TNFAIP8: variants seen among roughly 807,000 people sequenced by gnomAD.
TNFAIP8 encodes the protein tumor necrosis factor alpha-induced protein 8.
A neutral mutation model predicts 13.3 loss-of-function variants in TNFAIP8; 7 were observed. The ratio of observed to expected loss-of-function variants is 0.52; its 90% confidence interval spans 0.30 to 0.99. The LOEUF is 0.99. TNFAIP8 is among the 50% of genes least tolerant of loss of function. The probability of loss-of-function intolerance (pLI) is 0.07; values close to 1 mark genes in which losing one functional copy is unlikely to be tolerated. For missense variants in TNFAIP8, 258 were observed against 236.9 expected, an observed-to-expected ratio of 1.09 and a Z score of -0.58; for synonymous variants, 94 against 87.6, an observed-to-expected ratio of 1.07 and a Z score of -0.41.
chr5:119,340,571 G>A (rs1379345866), intron 1 of TNFAIP8, among the ~76,000 whole-genome samples: 3 of 152,182 alleles, frequency 2.0e-5, no homozygotes, highest in African/African-American at 7.2e-5. Context: ...GAGGAATGGG[G>A]AGATTGAATA....
intron 1 of TNFAIP8, among the ~76,000 whole-genome samples, chr5:119,304,999 A>G (rs1427813462): frequency 6.6e-6 from 1 of 152,188 alleles, no homozygotes; most frequent in East Asian, 1.9e-4. Context: ...ACATAAAGAG[A>G]AAATACCACA....
intron 1 of TNFAIP8, among the ~76,000 whole-genome samples, chr5:119,335,633 T>C (rs1002426811): frequency 2.6e-5 from 4 of 151,996 alleles, no homozygotes. Context: ...CCTTCTGCCC[T>C]CCCTTCCAGC....
At chr5:119,332,502 C>T (rs1413793414) in intron 1 of TNFAIP8, among the ~76,000 whole-genome samples, 2 of 152,024 alleles carry the variant, frequency 1.3e-5, no homozygotes, top group African/African-American at 4.8e-5. Flanking sequence ...AGTGTTATTG[C>T]TACAGAGTAT....
intron 1 of TNFAIP8, among the ~76,000 whole-genome samples, chr5:119,334,781 AT>A (rs1750498481): frequency 6.6e-6 from 1 of 152,088 alleles, no homozygotes; most frequent in African/African-American, 2.4e-5. Flanking sequence ...CTCAAAAAAA[AT>A]GGTTATGTGT....
intron 1 of TNFAIP8, among the ~76,000 whole-genome samples, chr5:119,337,899 G>A (rs1750605400): frequency 6.6e-6 from 1 of 152,244 alleles, no homozygotes; most frequent in Non-Finnish European, 1.5e-5. Flanking sequence ...AGACTGCCAA[G>A]TAGAAGTGCA....
chr5:119,333,116 T>C lies in TNFAIP8; in HGVS notation c.2-59700T>C, dbSNP rs150591320. On this transcript the variant is annotated intron_variant, in intron 1 of 1. Transcript: ENST00000274456. Reference sequence around the variant, plus strand: ...CCCTTTTTTTTAGTTTTTTTTTTTTTCTAAGTATCTGTTTCTATTTTCTAG... The same window carrying C: ...CCCTTTTTTTTAGTTTTTTTTTTTTCCTAAGTATCTGTTTCTATTTTCTAG... 1,006 of 869,260 alleles carry C rather than the reference T, an allele frequency of 1.2e-3. 8 individuals are homozygous for C. In the African/African-American group the frequency reaches 0.016, roughly 14 times the overall value. 53.8% of individuals were successfully genotyped at this position (869,260 alleles called of 1,614,324 possible). A position where few individuals can be genotyped will look rare whatever the true frequency, so the allele number is the denominator to read the frequency against.
rs142563929 is a variant in TNFAIP8, at chr5:119,273,563, C to T, written c.1+4656C>T. 5.5e-3 allele frequency among the ~76,000 whole-genome samples: 830 copies of T among 152,220 alleles called. 5 individuals are homozygous for T. Among genetic ancestry groups the T allele is most frequent in the African/African-American group, 0.019 (799 of 41,522 alleles). On this transcript the variant is annotated intron_variant, in intron 1 of 1. Transcript: ENST00000274456. Reference sequence around the variant, plus strand: ...AGTTTTATGTGCCTGAGAACGAAGACGAGCCATAGTACCCATTAAGCTTCT... The same window carrying T: ...AGTTTTATGTGCCTGAGAACGAAGATGAGCCATAGTACCCATTAAGCTTCT...
Position 119,363,269 on chromosome 5 carries a change from G to A in TNFAIP8, c.31+7148G>A, listed in dbSNP as rs114458987. Among the ~76,000 whole-genome samples the A allele has an allele frequency of 1.9e-3, 282 of 152,304 alleles. 1 individual carries two copies. Among genetic ancestry groups the A allele is most frequent in the African/African-American group, 6.5e-3 (270 of 41,564 alleles). ...GCCTCAGCTAAAACCAGGAGCCTGG[G>A]TTTGAGGAGCTCATCTTCTAAGGGA... On this transcript the variant is annotated intron_variant, in intron 1 of 1. Coordinates refer to ENST00000504771, the MANE Select transcript of TNFAIP8 (RefSeq NM_014350.4).
chr5:119,282,901 C>T (rs776543408), intron 1 of TNFAIP8, among the ~76,000 whole-genome samples: 42 of 152,244 alleles, frequency 2.8e-4, no homozygotes, highest in Non-Finnish European at 4.6e-4. Context: ...GACCCAGATG[C>T]ATTTTGCTCA....
chr5:119,334,125 T>G (rs1388081618), intron 1 of TNFAIP8, among the ~76,000 whole-genome samples: 1 of 139,538 alleles, frequency 7.2e-6, no homozygotes, highest in Non-Finnish European at 1.5e-5. Flanking sequence ...GCTGTTGCCA[T>G]TTTCTCTAAC....
chr5:119,294,011 G>A (rs1051082806), intron 1 of TNFAIP8, among the ~76,000 whole-genome samples: 2 of 151,808 alleles, frequency 1.3e-5, no homozygotes. Context: ...CACTTTTAAC[G>A]TGTTAGCTCT....
intron 1 of TNFAIP8, among the ~76,000 whole-genome samples, chr5:119,373,440 G>A (rs542831144): frequency 2.6e-5 from 4 of 152,284 alleles, no homozygotes; most frequent in South Asian, 2.1e-4. Context: ...GGCATACAAC[G>A]GGAAAGTGAC....
At chr5:119,367,464 G>T (rs551670898) in intron 1 of TNFAIP8, among the ~76,000 whole-genome samples, 1 of 152,292 alleles carries the variant, frequency 6.6e-6, no homozygotes, top group South Asian at 2.1e-4. Flanking sequence ...CAGCAAAAGT[G>T]TCTCAGAGTA....
intron 1 of TNFAIP8, among the ~76,000 whole-genome samples, chr5:119,371,453 A>G (rs1752067326): frequency 6.6e-6 from 1 of 152,164 alleles, no homozygotes; most frequent in Non-Finnish European, 1.5e-5. Context: ...CCTTTTTGGC[A>G]TGTCCATTAA....
At chr5:119,324,205 G>T (rs1309112947) in intron 1 of TNFAIP8, among the ~76,000 whole-genome samples, 1 of 142,920 alleles carries the variant, frequency 7.0e-6, no homozygotes, top group Non-Finnish European at 1.5e-5. Context: ...AACCCAGGAG[G>T]TGGAGGCTGC....
At chr5:119,338,972 A>T (rs1411689900) in intron 1 of TNFAIP8, among the ~76,000 whole-genome samples, 1 of 152,112 alleles carries the variant, frequency 6.6e-6, no homozygotes, top group East Asian at 1.9e-4. Flanking sequence ...TCTTGAGCCC[A>T]GGAATTTGAG....
intron 1 of TNFAIP8, among the ~76,000 whole-genome samples, chr5:119,275,101 A>T (rs1246237039): frequency 6.6e-6 from 1 of 151,946 alleles, no homozygotes; most frequent in Non-Finnish European, 1.5e-5. Flanking sequence ...AACACAACAT[A>T]TAAAATAAAC....
chr5:119,341,588 G>C (rs954633315), intron 1 of TNFAIP8, among the ~76,000 whole-genome samples: 1 of 152,144 alleles, frequency 6.6e-6, no homozygotes, highest in African/African-American at 2.4e-5. Flanking sequence ...TTATATACTT[G>C]ATTTCAGCTT....
chr5:119,355,640 G>A (rs2112771356), upstream of TNFAIP8: 1 of 451,424 alleles, frequency 2.2e-6, no homozygotes, highest in Non-Finnish European at 3.9e-6. Flanking sequence ...ATATGCATTT[G>A]CTATTTATGT....
Sources: gnomAD v4.1 joint callset for allele counts (sites outside exome capture counted in the v4.1 genomes callset) on GRCh38, gnomAD v4.1.1 for gene constraint, MANE v1.5 for transcripts, NCBI Gene and HGNC (gene_info 2026-07-23, HGNC 2026-07-21) for gene names.